DYNC1I1: variants seen among roughly 807,000 people sequenced by gnomAD.
DYNC1I1 encodes dynein cytoplasmic 1 intermediate chain 1.
In DYNC1I1, 43 loss-of-function variants were observed where a neutral mutation model predicts 86.6. That is an observed-to-expected ratio of 0.50 (90% CI 0.39 to 0.64). The LOEUF is 0.64. DYNC1I1 is among the 30% of genes least tolerant of loss of function. The probability of loss-of-function intolerance (pLI) is 0.00; values close to 1 mark genes in which losing one functional copy is unlikely to be tolerated. For missense variants in DYNC1I1, 604 were observed against 788.8 expected (o/e 0.77, Z 2.81); for synonymous variants, 262 against 283.7 (o/e 0.92, Z 0.77).
intron 4 of DYNC1I1, among the ~76,000 whole-genome samples, chr7:95,823,993 GTTTT>G (rs10550145): frequency 0.37 from 28,185 of 76,670 alleles, 4,303 homozygotes; most frequent in African/African-American, 0.44. Context: ...TTGGTTTTTT[GTTTT>G]TTTTTTTTTT....
At chr7:95,978,516 G>A (rs1793367384) in intron 7 of DYNC1I1, among the ~76,000 whole-genome samples, 1 of 152,152 alleles carries the variant, frequency 6.6e-6, no homozygotes, top group Non-Finnish European at 1.5e-5. Flanking sequence ...TGAAGAGCGG[G>A]ACCTAAGAAC....
downstream of DYNC1I1, among the ~76,000 whole-genome samples, chr7:96,098,859 G>A (rs1396822182): frequency 6.6e-6 from 1 of 152,188 alleles, no homozygotes; most frequent in Non-Finnish European, 1.5e-5. Context: ...AATAGCGGTT[G>A]AGTCATGAAA....
At chr7:95,881,368 A>C (rs967040594) in intron 6 of DYNC1I1, among the ~76,000 whole-genome samples, 4 of 93,048 alleles carry the variant, frequency 4.3e-5, no homozygotes, top group African/African-American at 6.7e-5. Flanking sequence ...TTTGAAAAGG[A>C]AAAAGAAAAA....
At chr7:95,792,100 G>A (rs12667825) in intron 1 of DYNC1I1, among the ~76,000 whole-genome samples, 28,199 of 152,180 alleles carry the variant, frequency 0.19, 2,746 homozygotes, top group East Asian at 0.27. Context: ...TCAGTGCTAG[G>A]CACTAAGGTA....
intron 14 of DYNC1I1, among the ~76,000 whole-genome samples, chr7:96,046,918 C>T (rs140193758): frequency 6.6e-6 from 1 of 152,216 alleles, no homozygotes; most frequent in African/African-American, 2.4e-5. Context: ...TCTGGAAATT[C>T]CCACAATGTA....
chr7:95,859,505 G>T (rs1789817845), intron 5 of DYNC1I1, among the ~76,000 whole-genome samples: 1 of 152,192 alleles, frequency 6.6e-6, no homozygotes, highest in Non-Finnish European at 1.5e-5. Context: ...CAGAGATTCT[G>T]GGCAGCCATC....
chr7:95,989,889 A>C (rs536030374), intron 9 of DYNC1I1, among the ~76,000 whole-genome samples: 1 of 152,328 alleles, frequency 6.6e-6, no homozygotes, highest in Non-Finnish European at 1.5e-5. Context: ...GACCAGGATT[A>C]CATACTTATG....
At chr7:95,885,699 C>T (rs1790575584) in intron 6 of DYNC1I1, among the ~76,000 whole-genome samples, 1 of 152,128 alleles carries the variant, frequency 6.6e-6, no homozygotes, top group African/African-American at 2.4e-5. Flanking sequence ...ATTGCCCAGG[C>T]TCTTTTCAAA....
intron 3 of DYNC1I1, 134 bp from the exon 4 acceptor site, chr7:95,813,113 T>C: frequency 7.8e-7 from 1 of 1,283,310 alleles, no homozygotes. Flanking sequence ...TTTTTCTTTA[T>C]CCCATCTCAA....
chr7:95,996,006 A>G lies in DYNC1I1; in HGVS notation c.902A>G (p.Asp301Gly). Residue 301 changes from aspartate (D) to glycine (G), a missense_variant, in exon 10 of 17, where the codon GAT becomes GGT. By Grantham distance (94) the Asp-to-Gly change is moderately conservative (BLOSUM62 -1). Transcript: ENST00000447467. ...AATGAAGATGCTCCCCATGAACCAGATGGAGTGGCCTTGGTTTGGAACATG... is the reference window on the plus strand; with the variant it reads ...AATGAAGATGCTCCCCATGAACCAGGTGGAGTGGCCTTGGTTTGGAACATG... ...NNNEDAPHEP[D>G]GVALVWNMKF... 1 of 1,613,660 alleles carries G rather than the reference A, an allele frequency of 6.2e-7. No individual in the cohort carries two copies. The highest frequency in any genetic ancestry group is 8.5e-7 in the Non-Finnish European group (1 of 1,179,832).
At position 95,988,568 on chromosome 7, in the gene DYNC1I1, G is replaced by A. The variant is rs569686496; in HGVS notation, c.843+1413G>A. Reference sequence around the variant, plus strand: ...GTAACATGCAAAGGCACACAGCCTAGTGTGGTGACATCAGAATTTGAACCT... The same window carrying A: ...GTAACATGCAAAGGCACACAGCCTAATGTGGTGACATCAGAATTTGAACCT... On this transcript the variant is annotated intron_variant, in intron 9 of 16. Transcript: ENST00000447467. Among the ~76,000 whole-genome samples the A allele has an allele frequency of 5.6e-4, 85 of 152,322 alleles. 1 individual carries two copies. The highest frequency in any genetic ancestry group is 6.3e-4 in the Non-Finnish European group (43 of 68,032).
chr7:96,074,550 CAAAA>C (rs61571160), intron 14 of DYNC1I1, among the ~76,000 whole-genome samples: 22 of 66,934 alleles, frequency 3.3e-4, no homozygotes, highest in East Asian at 1.3e-3. Flanking sequence ...GACTCCGTCT[CAAAA>C]AAAAAAAAAA....
At chr7:95,955,290 A>G (rs1291998481) in intron 6 of DYNC1I1, among the ~76,000 whole-genome samples, 2 of 152,066 alleles carry the variant, frequency 1.3e-5, no homozygotes, top group Non-Finnish European at 2.9e-5. Flanking sequence ...TTTTTAAAAC[A>G]ATTTGCAACA....
intron 14 of DYNC1I1, among the ~76,000 whole-genome samples, chr7:96,066,423 T>C (rs543100179): frequency 5.3e-4 from 80 of 152,344 alleles, no homozygotes; most frequent in African/African-American, 1.8e-3. Flanking sequence ...ATACTTGTTC[T>C]CTTTCTTTGG....
intron 1 of DYNC1I1, among the ~76,000 whole-genome samples, chr7:95,800,090 A>G (rs1285453955): frequency 6.7e-6 from 1 of 150,256 alleles, no homozygotes; most frequent in Non-Finnish European, 1.5e-5. Context: ...AGATGTGCTG[A>G]AGCCAAAGTG....
intron 10 of DYNC1I1, among the ~76,000 whole-genome samples, chr7:96,022,189 T>A (rs966932627): frequency 1.3e-5 from 2 of 152,154 alleles, no homozygotes; most frequent in African/African-American, 4.8e-5. Flanking sequence ...TTTAAAAAAT[T>A]ATAGCCAACC....
At chr7:95,785,773 GTGTATATATATATATATATATA>G (rs1794119168) in intron 1 of DYNC1I1, among the ~76,000 whole-genome samples, 1 of 56,438 alleles carries the variant, frequency 1.8e-5, no homozygotes, top group Admixed American at 2.2e-4. Context: ...ATGTGTGTAT[GTGTATATATATATATATATATA>G]TATATATATA....
chr7:96,080,836 C>G (rs994995973), intron 16 of DYNC1I1, among the ~76,000 whole-genome samples: 1 of 152,032 alleles, frequency 6.6e-6, no homozygotes, highest in Non-Finnish European at 1.5e-5. Flanking sequence ...TTTTGGGAGG[C>G]CGTGGCAGGT....
chr7:96,076,026 A>T, intron 14 of DYNC1I1, 31 bp from the exon 15 acceptor site: 1 of 1,603,330 alleles, frequency 6.2e-7, no homozygotes, highest in Non-Finnish European at 8.5e-7. Flanking sequence ...CAGCAGCGCC[A>T]CAAAGTCTTC....
Sources: allele counts gnomAD v4.1 joint callset (sites outside exome capture counted in the v4.1 genomes callset), GRCh38; gene constraint gnomAD v4.1.1; transcripts MANE v1.5; gene names NCBI Gene and HGNC (gene_info 2026-07-23, HGNC 2026-07-21).